The following SMARCA5 variants were observed in gnomAD, a reference collection of about 807,000 sequenced individuals.
The protein encoded by SMARCA5 is SWI/SNF-related matrix-associated actin-dependent regulator of chromatin subfamily A member 5.
Under a neutral mutation model 140.4 loss-of-function variants are expected in SMARCA5, and 18 were observed. The observed-to-expected ratio is 0.13, with a 90% CI of 0.09 to 0.19. The LOEUF is 0.19. Ranked by LOEUF, SMARCA5 falls within the 10% of genes least tolerant of loss-of-function variation. The pLI is 1.00. For missense variants in SMARCA5, 606 were observed against 1,276.8 expected, an observed-to-expected ratio of 0.47 and a Z score of 8.01; for synonymous variants, 449 against 419.6, an observed-to-expected ratio of 1.07 and a Z score of -0.86.
At chr4:143,531,339 A>G (rs1266070965) in intron 9 of SMARCA5, among the ~76,000 whole-genome samples, 1 of 152,212 alleles carries the variant, frequency 6.6e-6, no homozygotes, top group Non-Finnish European at 1.5e-5. Context: ...TTCACAAGTA[A>G]AAGTTGGTAG....
intron 5 of SMARCA5, 54 bp from the exon 6 acceptor site, chr4:143,526,227 G>T (rs1310899912): frequency 2.2e-6 from 3 of 1,387,064 alleles, no homozygotes; most frequent in African/African-American, 1.4e-5. Flanking sequence ...AGGTATAATT[G>T]TGAAATAATA....
intron 10 of SMARCA5, among the ~76,000 whole-genome samples, chr4:143,535,902 T>C (rs1737291882): frequency 6.6e-6 from 1 of 152,184 alleles, no homozygotes; most frequent in African/African-American, 2.4e-5. Flanking sequence ...TTCACAGTCC[T>C]GCCTCACAGA....
At chr4:143,549,892 T>G in intron 22 of SMARCA5, 105 bp from the exon 23 acceptor site, 1 of 601,252 alleles carries the variant, frequency 1.7e-6, no homozygotes, top group Non-Finnish European at 3.0e-6. Context: ...CAGGGGTGTA[T>G]TAGTGGTTTT....
At chr4:143,531,108 C>A (rs924982430) in intron 9 of SMARCA5, among the ~76,000 whole-genome samples, 1 of 152,248 alleles carries the variant, frequency 6.6e-6, no homozygotes, top group Non-Finnish European at 1.5e-5. Flanking sequence ...GCATGAGCCA[C>A]CACGCCCGGC....
chr4:143,538,610 A>G lies in SMARCA5; in HGVS notation c.1516A>G (p.Ser506Gly), dbSNP rs1401836826. Residue 506 changes from serine (S) to glycine (G), a missense_variant, in exon 12 of 24, where the codon AGT becomes GGT. Physicochemically the swap from Ser to Gly is moderately conservative, Grantham distance 56. Coordinates refer to ENST00000283131, the MANE Select transcript of SMARCA5 (RefSeq NM_003601.4). Reference sequence around the variant, plus strand: ...AACAGGTTCACGAGTACTAATCTTCAGTCAAATGACAAGGGTATTGGACAT... The same window carrying G: ...AACAGGTTCACGAGTACTAATCTTCGGTCAAATGACAAGGGTATTGGACAT... Reference protein sequence around the residue: ...KEQGSRVLIFSQMTRVLDILE... With the variant: ...KEQGSRVLIFGQMTRVLDILE... 2 of 1,612,126 alleles carry G rather than the reference A, an allele frequency of 1.2e-6. No individual in the cohort carries two copies. Among genetic ancestry groups the G allele is most frequent in the Non-Finnish European group, 1.7e-6 (2 of 1,178,214 alleles).
intron 9 of SMARCA5, among the ~76,000 whole-genome samples, chr4:143,532,610 G>A (rs766806470): frequency 1.3e-5 from 2 of 152,048 alleles, no homozygotes; most frequent in African/African-American, 2.4e-5. Flanking sequence ...GTATGGATGC[G>A]CTTAGGAATG....
At chr4:143,525,157 A>G (rs780157328) in intron 4 of SMARCA5, among the ~76,000 whole-genome samples, 3 of 152,006 alleles carry the variant, frequency 2.0e-5, no homozygotes, top group Non-Finnish European at 2.9e-5. Context: ...CATTAAAAAG[A>G]CGAGAGGCCA....
At chr4:143,550,700 T>G (rs1233106174) in intron 23 of SMARCA5, among the ~76,000 whole-genome samples, 1 of 152,118 alleles carries the variant, frequency 6.6e-6, no homozygotes, top group African/African-American at 2.4e-5. Flanking sequence ...TGTCTTTCTG[T>G]GTCTGGCTTA....
Position 143,556,328 on chromosome 4 carries a change from T to TAA in SMARCA5, c.*3148_*3149dup, listed in dbSNP as rs1294100919. The stretch of plus-strand genomic sequence containing the variant: ...TTAGTACCTTTCTTAATCTCGATCT[T>TAA]AAAAAGCATTGTAAAACACCCCTGT... On this transcript the variant is annotated 3_prime_UTR_variant, in exon 24 of 24. Transcript: ENST00000283131. 6.6e-6 allele frequency: 1 copy of TAA among 152,188 alleles called. No individual in the cohort carries two copies. The highest frequency in any genetic ancestry group is 2.4e-5 in the African/African-American group (1 of 41,444). The allele number at this position is 152,188 out of a possible 1,614,324, so 9.4% of individuals were successfully genotyped here.
intron 2 of SMARCA5, among the ~76,000 whole-genome samples, chr4:143,518,060 T>G (rs1736878281): frequency 6.6e-6 from 1 of 152,154 alleles, no homozygotes; most frequent in Non-Finnish European, 1.5e-5. Flanking sequence ...TTACTCAGTG[T>G]ATGTTTATTC....
intron 7 of SMARCA5, 74 bp downstream of exon 7, chr4:143,528,097 C>CT: frequency 8.3e-7 from 1 of 1,208,832 alleles, no homozygotes; most frequent in Non-Finnish European, 1.1e-6. Flanking sequence ...TTTCTTTTAA[C>CT]TTTAAGTTAT....
intron 18 of SMARCA5, 29 bp from the exon 19 acceptor site, chr4:143,545,896 A>G: frequency 6.3e-7 from 1 of 1,587,190 alleles, no homozygotes; most frequent in Non-Finnish European, 8.5e-7. Flanking sequence ...AAATTTACTG[A>G]TTTGATGGCA....
rs556074872 is a variant in SMARCA5 at position 143,535,765 on chromosome 4, G to A, written c.1269-687G>A. Among the ~76,000 whole-genome samples, 5 of 152,214 alleles carry A rather than the reference G, an allele frequency of 3.3e-5. No individual in the cohort carries two copies. The East Asian group carries it at 9.7e-4, about 29-fold the overall frequency. On this transcript the variant is annotated intron_variant, in intron 10 of 23. Transcript: ENST00000283131. ...ATAGATTGCCTAGGCTACTTACTTT[G>A]TTCAAAGGATCCAAGGCTCTAAAAC...
chr4:143,539,034 T>G, intron 13 of SMARCA5, 96 bp downstream of exon 13: 1 of 1,095,142 alleles, frequency 9.1e-7, no homozygotes, highest in South Asian at 1.5e-5. Context: ...CCCAATAGAA[T>G]TTTATTTTTC....
In SMARCA5 at chr4:143,546,891, A is replaced by T; in HGVS notation, c.2636A>T (p.Glu879Val). 6.2e-7 allele frequency: 1 copy of T among 1,612,724 alleles called. No homozygotes were observed. Among genetic ancestry groups the T allele is most frequent in the Non-Finnish European group, 8.5e-7 (1 of 1,179,122 alleles). Reference sequence around the variant, plus strand: ...GAAGTAGAAGGCAAAACTCCAGAAGAAGTCATTGAATATTCAGGTAATTCT... The same window carrying T: ...GAAGTAGAAGGCAAAACTCCAGAAGTAGTCATTGAATATTCAGGTAATTCT... Reference protein sequence around the residue: ...AREVEGKTPEEVIEYSAVFWE... With the variant: ...AREVEGKTPEVVIEYSAVFWE... The change falls in exon 20 of 24, where the codon GAA (glutamate) becomes GTA (valine). Residue 879 changes from glutamate to valine, a missense_variant. Transcript: ENST00000283131.
At chr4:143,522,113 G>A (rs932584380) in intron 3 of SMARCA5, among the ~76,000 whole-genome samples, 2 of 152,098 alleles carry the variant, frequency 1.3e-5, no homozygotes, top group Admixed American at 1.3e-4. Flanking sequence ...TGTGCTCTAG[G>A]CTCCTCCATC....
At chr4:143,535,304 A>G (rs919451119) in intron 10 of SMARCA5, among the ~76,000 whole-genome samples, 1 of 152,182 alleles carries the variant, frequency 6.6e-6, no homozygotes, top group Non-Finnish European at 1.5e-5. Flanking sequence ...CTTATAGTTC[A>G]TAAATACTGG....
chr4:143,539,574 C>G (rs981203945), intron 13 of SMARCA5, among the ~76,000 whole-genome samples: 1 of 145,012 alleles, frequency 6.9e-6, no homozygotes, highest in African/African-American at 2.6e-5. Context: ...TTCGCTCTTA[C>G]TGCTCAGGCT....
intron 2 of SMARCA5, among the ~76,000 whole-genome samples, chr4:143,519,544 T>C (rs1736912101): frequency 6.6e-6 from 1 of 152,112 alleles, no homozygotes; most frequent in African/African-American, 2.4e-5. Context: ...GTGGCCTTTA[T>C]TGGAACTCTT....
Sources: gnomAD v4.1 joint callset for allele counts (sites outside exome capture counted in the v4.1 genomes callset) on GRCh38, gnomAD v4.1.1 for gene constraint, MANE v1.5 for transcripts, NCBI Gene and HGNC (gene_info 2026-07-23, HGNC 2026-07-21) for gene names.